CFAP251: variants seen among roughly 807,000 people sequenced by gnomAD.
CFAP251 encodes cilia and flagella associated protein 251.
In CFAP251, 93 loss-of-function variants were observed where a neutral mutation model predicts 126.7. The ratio of observed to expected loss-of-function variants is 0.73; its 90% CI spans 0.62 to 0.87. The LOEUF (loss-of-function observed/expected upper bound fraction) is 0.87. CFAP251 is among the 40% of genes least tolerant of loss of function. The pLI is 0.00. For missense variants in CFAP251, 1,287 were observed against 1,389.2 expected, an observed-to-expected ratio of 0.93 and a Z score of 1.17; for synonymous variants, 503 against 506.9, an observed-to-expected ratio of 0.99 and a Z score of 0.10.
At chr12:121,981,105 C>T (rs1882609885) in intron 19 of CFAP251, among the ~76,000 whole-genome samples, 1 of 152,044 alleles carries the variant, frequency 6.6e-6, no homozygotes, top group Non-Finnish European at 1.5e-5. Context: ...ATGGGATCGC[C>T]CCTCATTTTC....
intron 3 of CFAP251, 117 bp from the exon 4 acceptor site, chr12:121,931,629 T>C (rs1194739589): frequency 1.9e-6 from 2 of 1,039,502 alleles, no homozygotes; most frequent in Non-Finnish European, 2.6e-6. Context: ...TTTCTTAAAG[T>C]GGTTCCTCTT....
Position 121,923,934 on chromosome 12 carries a change from A to C in CFAP251, c.691A>C (p.Ser231Arg). The stretch of plus-strand genomic sequence containing the variant: ...GATCTCCCGGGAGTCACTGGTGTCC[A>C]GCACCACAGAGGACATTCTGTTTCA... ...AGISRESLVS[S>R]TTEDILFQKD... The change falls in exon 3 of 22, where the codon AGC becomes CGC. Residue 231 changes from serine to arginine, a missense_variant. By Grantham distance (110) the Ser-to-Arg change is moderately radical. Coordinates refer to ENST00000288912, the MANE Select transcript of CFAP251 (RefSeq NM_144668.6). 1 of 1,614,070 alleles carries C rather than the reference A, an allele frequency of 6.2e-7. No homozygotes were observed. Among genetic ancestry groups the C allele is most frequent in the Non-Finnish European group, 8.5e-7 (1 of 1,180,018 alleles).
Position 121,961,984 on chromosome 12 carries a change from T to G in CFAP251, c.2314T>G (p.Tyr772Asp). The change falls in exon 15 of 22, where the codon TAT becomes GAT. Residue 772 changes from tyrosine to aspartate, a missense_variant. Transcript: ENST00000288912. ...SLGTDRLLIE[Y>D]DLLRSYKDHL... ...CATCTGGGCTCCTCTGCAGATAGAG[T>G]ATGATCTTCTCAGGAGCTACAAAGA... 6.2e-7 allele frequency: 1 copy of G among 1,613,322 alleles called. No homozygotes were observed.
chr12:121,954,813 TC>T (rs1217208250), intron 10 of CFAP251, among the ~76,000 whole-genome samples: 1 of 152,044 alleles, frequency 6.6e-6, no homozygotes, highest in East Asian at 1.9e-4. Flanking sequence ...TTTTTATAGT[TC>T]CATTTATACT....
At chr12:121,942,694 T>C in intron 6 of CFAP251, 49 bp downstream of exon 6, 1 of 1,461,470 alleles carries the variant, frequency 6.8e-7, no homozygotes, top group Non-Finnish European at 9.4e-7. Context: ...GGCCGACCTG[T>C]GCAGCGTGTC....
chr12:121,983,891 T>G (rs1353834264), intron 19 of CFAP251, among the ~76,000 whole-genome samples: 1 of 152,166 alleles, frequency 6.6e-6, no homozygotes, highest in Non-Finnish European at 1.5e-5. Flanking sequence ...CAAGTCAGAT[T>G]TATAGTGATT....
chr12:121,919,464 C>A (rs925379836), intron 1 of CFAP251, among the ~76,000 whole-genome samples: 1 of 152,126 alleles, frequency 6.6e-6, no homozygotes, highest in African/African-American at 2.4e-5. Context: ...CAAATAATAA[C>A]AACTGCTACC....
chr12:121,980,631 A>C (rs1041295616), intron 19 of CFAP251, among the ~76,000 whole-genome samples: 1 of 152,094 alleles, frequency 6.6e-6, no homozygotes, highest in Non-Finnish European at 1.5e-5. Flanking sequence ...TCTAGGCATG[A>C]GCCACCGCTC....
chr12:121,967,516 CA>C (rs1325738369), intron 16 of CFAP251, among the ~76,000 whole-genome samples: 1 of 152,144 alleles, frequency 6.6e-6, no homozygotes, highest in Non-Finnish European at 1.5e-5. Context: ...TCCTGGCTAA[CA>C]CGGTGAAACC....
At chr12:121,957,431 G>A (rs188608378) in intron 11 of CFAP251, among the ~76,000 whole-genome samples, 163 bp downstream of exon 11, 22 of 152,300 alleles carry the variant, frequency 1.4e-4, no homozygotes, top group Admixed American at 2.6e-4. Context: ...AAGGCCGGGC[G>A]TGGTGGCTCA....
In CFAP251 at chr12:121,923,874, G is replaced by A. The variant is rs774039492; in HGVS notation, c.631G>A (p.Glu211Lys). ...LEPENREEGQ[E>K]RRVSDIQSKA... ...GCCAGAAAACAGAGAGGAGGGACAAGAAAGGAGAGTATCCGACATCCAGTC... is the reference window on the plus strand; with the variant it reads ...GCCAGAAAACAGAGAGGAGGGACAAAAAAGGAGAGTATCCGACATCCAGTC... The change falls in exon 3 of 22, where the codon GAA becomes AAA. Residue 211 changes from glutamate to lysine, a missense_variant. Coordinates refer to ENST00000288912, the MANE Select transcript of CFAP251 (RefSeq NM_144668.6). 6.2e-7 allele frequency: 1 copy of A among 1,614,046 alleles called. No homozygotes were observed. Among genetic ancestry groups the A allele is most frequent in the African/African-American group, 1.3e-5 (1 of 74,940 alleles).
At position 121,962,052 on chromosome 12, in the gene CFAP251, C is replaced by T. The variant is rs537819709; in HGVS notation, c.2382C>T (p.Cys794=). 4.2e-5 allele frequency: 67 copies of T among 1,614,032 alleles called. No homozygotes were observed. In the South Asian group the frequency reaches 7.2e-4, roughly 17 times the overall value. Residue 794 remains cysteine (C), a synonymous_variant, in exon 15 of 22, where the codon TGC becomes TGT. Coordinates refer to ENST00000288912, the MANE Select transcript of CFAP251 (RefSeq NM_144668.6). ...VLDIHHTDQG[C]YPTCMVWYPP... ...ACATTCACCACACCGACCAGGGCTG[C>T]TATCCCACCTGCATGGTCTGGTACC...
At chr12:121,954,824 T>C (rs1182931459) in intron 10 of CFAP251, among the ~76,000 whole-genome samples, 1 of 152,084 alleles carries the variant, frequency 6.6e-6, no homozygotes, top group African/African-American at 2.4e-5. Context: ...CCATTTATAC[T>C]AATTGGATTT....
intron 10 of CFAP251, among the ~76,000 whole-genome samples, chr12:121,955,161 G>A (rs1420189217): frequency 4.6e-5 from 7 of 152,106 alleles, no homozygotes; most frequent in African/African-American, 1.7e-4. Flanking sequence ...AGGTGTGGTG[G>A]TGTGCGGCTG....
At chr12:121,926,076 C>G (rs1720066) in intron 3 of CFAP251, among the ~76,000 whole-genome samples, 1 of 141,580 alleles carries the variant, frequency 7.1e-6, no homozygotes, top group African/African-American at 2.7e-5. Context: ...CGTGTTAGCC[C>G]GGATGGTCTT....
At chr12:121,933,051 G>C (rs977316975) in intron 4 of CFAP251, 1 of 152,246 alleles carries the variant, frequency 6.6e-6, no homozygotes, top group Non-Finnish European at 1.5e-5. Context: ...TCACAGTATA[G>C]GTCTGTAGTA....
In CFAP251 at chr12:121,923,891, C is replaced by T. The variant is rs1880294414; in HGVS notation, c.648C>T (p.Asp216=). 3 of 1,614,030 alleles carry T rather than the reference C, an allele frequency of 1.9e-6. No homozygotes were observed. Among genetic ancestry groups the T allele is most frequent in the African/African-American group, 1.3e-5 (1 of 74,910 alleles). The part of the protein sequence containing the change: ...REEGQERRVS[D]IQSKAGISRE... Reference sequence around the variant, plus strand: ...AGGGACAAGAAAGGAGAGTATCCGACATCCAGTCCAAAGCAGGGATCTCCC... The same window carrying T: ...AGGGACAAGAAAGGAGAGTATCCGATATCCAGTCCAAAGCAGGGATCTCCC... Residue 216 remains aspartate, a synonymous_variant, in exon 3 of 22, where the codon GAC becomes GAT. Coordinates refer to ENST00000288912, the MANE Select transcript of CFAP251 (RefSeq NM_144668.6).
chr12:121,922,865 C>T (rs1298358629), intron 2 of CFAP251, among the ~76,000 whole-genome samples: 2 of 152,160 alleles, frequency 1.3e-5, no homozygotes, highest in African/African-American at 4.8e-5. Flanking sequence ...TCTTGGCTCA[C>T]TGCAAGCTCC....
chr12:121,922,002 C>A (rs1167865323), intron 2 of CFAP251, among the ~76,000 whole-genome samples: 1 of 152,024 alleles, frequency 6.6e-6, no homozygotes, highest in African/African-American at 2.4e-5. Context: ...ACCATGTTGG[C>A]CAGACTGGTC....
Sources: gnomAD v4.1 joint callset for allele counts (sites outside exome capture counted in the v4.1 genomes callset) on GRCh38, gnomAD v4.1.1 for gene constraint, MANE v1.5 for transcripts, NCBI Gene and HGNC (gene_info 2026-07-23, HGNC 2026-07-21) for gene names.